F13A1: variants seen among roughly 807,000 people sequenced by gnomAD.
The protein encoded by F13A1 is coagulation factor XIII A chain.
Under a neutral mutation model 80.1 loss-of-function variants are expected in F13A1, and 47 were observed. That is an observed-to-expected ratio of 0.59 (90% CI 0.46 to 0.75). F13A1 has a LOEUF of 0.75. Among genes scored for constraint, F13A1 ranks in the 30% least tolerant of loss-of-function variants. The probability of loss-of-function intolerance (pLI) is 0.00; values close to 1 mark genes in which losing one functional copy is unlikely to be tolerated. For missense variants in F13A1, 817 were observed against 930.4 expected (o/e 0.88, Z 1.59); for synonymous variants, 349 against 344.9 (o/e 1.01, Z -0.13).
At chr6:6,182,543 G>A (rs1053015300) in intron 10 of F13A1, among the ~76,000 whole-genome samples, 2 of 152,146 alleles carry the variant, frequency 1.3e-5, no homozygotes. Flanking sequence ...AAGTCTGCTA[G>A]GTGGCTTCTG....
intron 2 of F13A1, among the ~76,000 whole-genome samples, chr6:6,306,016 C>T (rs183784888): frequency 3.9e-5 from 6 of 152,314 alleles, no homozygotes; most frequent in African/African-American, 1.2e-4. Context: ...AGGGGACATT[C>T]GAAGGACAAA....
intron 10 of F13A1, among the ~76,000 whole-genome samples, 181 bp from the exon 11 acceptor site, chr6:6,182,322 T>G (rs1045799253): frequency 1.3e-5 from 2 of 152,194 alleles, no homozygotes; most frequent in Admixed American, 1.3e-4. Flanking sequence ...GCGAATCTAG[T>G]TGATTTAGTA....
intron 4 of F13A1, among the ~76,000 whole-genome samples, chr6:6,266,351 C>T (rs1757844235): frequency 6.6e-6 from 1 of 152,284 alleles, no homozygotes; most frequent in Non-Finnish European, 1.5e-5. Context: ...CCCACTTCAG[C>T]CTCCCAAGTA....
At chr6:6,190,966 G>A (rs1199426431) in intron 10 of F13A1, among the ~76,000 whole-genome samples, 22 of 152,164 alleles carry the variant, frequency 1.4e-4, no homozygotes, top group Non-Finnish European at 2.9e-4. Context: ...CGCAGTATTT[G>A]GGTGTGAGTG....
At chr6:6,301,570 T>A (rs144486654) in intron 3 of F13A1, among the ~76,000 whole-genome samples, 6 of 152,316 alleles carry the variant, frequency 3.9e-5, no homozygotes, top group Non-Finnish European at 8.8e-5. Flanking sequence ...ATATACAGAT[T>A]TTATCTCAAA....
intron 3 of F13A1, among the ~76,000 whole-genome samples, chr6:6,300,161 A>T (rs1758400503): frequency 7.5e-6 from 1 of 133,386 alleles, no homozygotes; most frequent in African/African-American, 3.9e-5. Context: ...AAGCTGTCAG[A>T]CAGGGACATT....
intron 10 of F13A1, 38 bp from the exon 11 acceptor site, chr6:6,182,179 T>C (rs964101462): frequency 6.2e-7 from 1 of 1,611,746 alleles, no homozygotes; most frequent in Non-Finnish European, 8.5e-7. Flanking sequence ...CATCATCACA[T>C]GTCTGCTGTT....
intron 12 of F13A1, among the ~76,000 whole-genome samples, chr6:6,173,400 C>T (rs2151074559): frequency 1.0e-5 from 1 of 98,310 alleles, no homozygotes; most frequent in South Asian, 3.9e-4. Context: ...TTCCAGCCTC[C>T]ATTCTTTTCT....
chr6:6,212,370 C>T (rs562703440), intron 8 of F13A1, among the ~76,000 whole-genome samples: 1 of 152,020 alleles, frequency 6.6e-6, no homozygotes, highest in Non-Finnish European at 1.5e-5. Flanking sequence ...GGTCCCTGAC[C>T]CCTGACCCCC....
chr6:6,225,840 A>G (rs1407622220), intron 6 of F13A1, among the ~76,000 whole-genome samples: 1 of 152,158 alleles, frequency 6.6e-6, no homozygotes, highest in Admixed American at 6.5e-5. Flanking sequence ...TCACTTAAGT[A>G]TTCTTTCTTA....
chr6:6,265,436 T>C (rs181709590), intron 4 of F13A1, among the ~76,000 whole-genome samples: 1 of 152,296 alleles, frequency 6.6e-6, no homozygotes, highest in Admixed American at 6.5e-5. Flanking sequence ...CCTCTGGAAC[T>C]TAAAACAGCT....
rs374255962 is a variant in F13A1 at position 6,307,028 on chromosome 6, C to A, written c.131-1489G>T. ...GTTTGAATCTCAGGTGTCAAAATTACTGCGTTAAGGTACTTTACCTTTCAG... is the reference window on the plus strand; with the variant it reads ...GTTTGAATCTCAGGTGTCAAAATTAATGCGTTAAGGTACTTTACCTTTCAG... On this transcript the variant is annotated intron_variant, in intron 2 of 14. Coordinates refer to ENST00000264870, the MANE Select transcript of F13A1 (RefSeq NM_000129.4). Among the ~76,000 whole-genome samples, 517 of 152,330 alleles carry A rather than the reference C, an allele frequency of 3.4e-3. 1 individual carries two copies. The highest frequency in any genetic ancestry group is 5.6e-3 in the Non-Finnish European group (381 of 68,028).
intron 14 of F13A1, among the ~76,000 whole-genome samples, chr6:6,150,612 G>T (rs558817721): frequency 9.7e-4 from 147 of 152,316 alleles, no homozygotes; most frequent in African/African-American, 3.4e-3. Context: ...CCAGAGTGGG[G>T]TCGCTTCCAT....
At chr6:6,203,659 G>C (rs1761438031) in intron 8 of F13A1, among the ~76,000 whole-genome samples, 1 of 152,218 alleles carries the variant, frequency 6.6e-6, no homozygotes, top group South Asian at 2.1e-4. Context: ...CTGAGACCCT[G>C]AGCAGAGAGA....
intron 3 of F13A1, among the ~76,000 whole-genome samples, chr6:6,272,589 C>A (rs1757936086): frequency 6.6e-6 from 1 of 152,138 alleles, no homozygotes; most frequent in South Asian, 2.1e-4. Flanking sequence ...AGACTTCTGG[C>A]CATATCGTTA....
In F13A1 at chr6:6,250,961, C is replaced by T. The variant is rs1479024864; in HGVS notation, c.572-32G>A. Reference sequence around the variant, plus strand: ...CAGGGTTTAAACATAGTGACTATTACCAAACCAGACTGTTTCCAAACACTT... The same window carrying T: ...CAGGGTTTAAACATAGTGACTATTATCAAACCAGACTGTTTCCAAACACTT... On this transcript the variant is annotated intron_variant, in intron 4 of 14. Coordinates refer to ENST00000264870, the MANE Select transcript of F13A1 (RefSeq NM_000129.4). The surrounding 1 kb of genome is among the most constrained non-coding windows in gnomAD (Gnocchi z 4.2). The T allele has an allele frequency of 1.4e-6, 2 of 1,425,062 alleles. No individual in the cohort carries two copies. The highest frequency in any genetic ancestry group is 2.3e-5 in the East Asian group (1 of 44,048). The allele number at this position is 1,425,062 out of a possible 1,614,324, so 88.3% of individuals were successfully genotyped here. A position where few individuals can be genotyped will look rare whatever the true frequency, so the allele number is the denominator to read the frequency against.
chr6:6,246,944 G>A (rs1279170294), intron 6 of F13A1, among the ~76,000 whole-genome samples: 2 of 152,170 alleles, frequency 1.3e-5, no homozygotes, highest in Non-Finnish European at 2.9e-5. Context: ...AATCTTGTGG[G>A]CGAAACAGTA....
At chr6:6,215,381 G>C (rs9379018) in intron 8 of F13A1, among the ~76,000 whole-genome samples, 11,186 of 53,044 alleles carry the variant, frequency 0.21, 2,047 homozygotes, top group African/African-American at 0.43. Context: ...TCAATATACG[G>C]AAATCAATAA....
At chr6:6,245,853 G>A (rs1213754133) in intron 6 of F13A1, among the ~76,000 whole-genome samples, 1 of 152,212 alleles carries the variant, frequency 6.6e-6, no homozygotes, top group Non-Finnish European at 1.5e-5. Context: ...CTTCTGGAGA[G>A]TCCACATGCC....
Sources: gnomAD v4.1 joint callset for allele counts (sites outside exome capture counted in the v4.1 genomes callset) on GRCh38, gnomAD v4.1.1 for gene constraint, Gnocchi (gnomAD v3.1) non-coding constraint, MANE v1.5 for transcripts, NCBI Gene and HGNC (gene_info 2026-07-23, HGNC 2026-07-21) for gene names.